Variants in BICD1 observed in about 807,000 individuals in gnomAD.
BICD1 encodes the protein BICD cargo adaptor 1, also known as protein bicaudal D homolog 1.
Under a neutral mutation model 92.5 loss-of-function variants are expected in BICD1, and 35 were observed. The observed-to-expected ratio is 0.38, with a 90% CI of 0.29 to 0.50. The LOEUF is 0.50. BICD1 is among the 20% of genes least tolerant of loss of function. The pLI, the probability that BICD1 is intolerant of heterozygous loss-of-function variation, is 0.93. For synonymous variants in BICD1, 429 were observed against 465.1 expected, an observed-to-expected ratio of 0.92 and a Z score of 1.00; for missense variants, 950 against 1,189.8, an observed-to-expected ratio of 0.80 and a Z score of 2.97.
intron 1 of BICD1, among the ~76,000 whole-genome samples, chr12:32,117,633 GGCACAT>G (rs1469508169): frequency 6.7e-6 from 1 of 148,878 alleles, no homozygotes; most frequent in African/African-American, 2.5e-5. Context: ...CACACACACG[GGCACAT>G]GTGCATGTGC....
chr12:32,376,228 C>T (rs960934589), intron 9 of BICD1, among the ~76,000 whole-genome samples: 1 of 151,516 alleles, frequency 6.6e-6, no homozygotes, highest in African/African-American at 2.4e-5. Flanking sequence ...GGACTACAGG[C>T]ACACGCCACC....
At chr12:32,296,961 G>C (rs561990868) in intron 3 of BICD1, among the ~76,000 whole-genome samples, 7 of 152,126 alleles carry the variant, frequency 4.6e-5, no homozygotes, top group Non-Finnish European at 1.0e-4. Context: ...AAGGAGGGGG[G>C]ACTTACACAT....
rs1331287606 is a variant in BICD1 at position 32,118,049 on chromosome 12, C to T, written c.213+10505C>T. Among the ~76,000 whole-genome samples the T allele has an allele frequency of 1.9e-4, 14 of 74,834 alleles. No homozygotes were observed. The East Asian group carries it at 2.9e-3, about 16-fold the overall frequency. 49.1% of individuals were successfully genotyped at this position (74,834 alleles called of 152,430 possible). A position where few individuals can be genotyped will look rare whatever the true frequency, so the allele number is the denominator to read the frequency against. On this transcript the variant is annotated intron_variant, in intron 1 of 9. Coordinates refer to ENST00000652176, the MANE Select transcript of BICD1 (RefSeq NM_001714.4). Reference sequence around the variant, plus strand: ...ACAGGCGTGAGCCATCGCACCGGCCCGCTTAGTCCAATATTTTATTTTATT... The same window carrying T: ...ACAGGCGTGAGCCATCGCACCGGCCTGCTTAGTCCAATATTTTATTTTATT...
intron 1 of BICD1, among the ~76,000 whole-genome samples, chr12:32,127,658 C>T (rs929641767): frequency 2.0e-5 from 3 of 152,164 alleles, no homozygotes; most frequent in Non-Finnish European, 2.9e-5. Flanking sequence ...ACCTTCCTTG[C>T]TGTCATAGGC....
intron 8 of BICD1, among the ~76,000 whole-genome samples, chr12:32,361,327 G>A (rs77756693): frequency 0.062 from 9,466 of 152,108 alleles, 351 homozygotes; most frequent in South Asian, 0.13. Context: ...AGGCCGGGGC[G>A]GGTAGATCAT....
At chr12:32,195,004 A>G (rs2166065) in intron 1 of BICD1, among the ~76,000 whole-genome samples, 151,186 of 151,776 alleles carry the variant, frequency 1, 75,302 homozygotes, top group Middle Eastern at 1. Flanking sequence ...AGGCTGGGGC[A>G]GAAGGATTGC....
chr12:32,263,779 A>T (rs1946920331), intron 2 of BICD1, among the ~76,000 whole-genome samples: 1 of 152,192 alleles, frequency 6.6e-6, no homozygotes, highest in South Asian at 2.1e-4. Flanking sequence ...TTAATCCATA[A>T]TAATCATTTT....
intron 8 of BICD1, among the ~76,000 whole-genome samples, chr12:32,358,429 C>A: frequency 6.7e-6 from 1 of 148,716 alleles, no homozygotes. Context: ...CACTAAAAAG[C>A]TTTTGTTCAT....
intron 1 of BICD1, among the ~76,000 whole-genome samples, chr12:32,115,727 G>C (rs1941868182): frequency 6.6e-6 from 1 of 152,216 alleles, no homozygotes; most frequent in African/African-American, 2.4e-5. Context: ...AATGATACCA[G>C]GGGAAAAGAT....
chr12:32,327,664 C>G lies in BICD1; in HGVS notation c.1209C>G (p.Ala403=). 1 of 1,613,892 alleles carries G rather than the reference C, an allele frequency of 6.2e-7. No individual in the cohort carries two copies. The highest frequency in any genetic ancestry group is 1.1e-5 in the South Asian group (1 of 91,056). The change falls in exon 5 of 10, where the codon GCC becomes GCG. Residue 403 remains alanine, a synonymous_variant. Coordinates refer to ENST00000652176, the MANE Select transcript of BICD1 (RefSeq NM_001714.4). ...AGGGCCGGGACTCAGGGGAGGAGGC[C>G]CATGACTATGAGGTGGACATCAATG... The part of the protein sequence containing the change: ...GEKGRDSGEE[A]HDYEVDINGL...
intron 5 of BICD1, among the ~76,000 whole-genome samples, chr12:32,329,931 A>C (rs113838858): frequency 3.6e-4 from 55 of 152,314 alleles, no homozygotes; most frequent in African/African-American, 1.2e-3. Context: ...TGCTGAATAA[A>C]TGTTGGTGTT....
chr12:32,354,125 A>C (rs746212356), intron 8 of BICD1: 3 of 152,238 alleles, frequency 2.0e-5, no homozygotes, highest in Non-Finnish European at 4.4e-5. Flanking sequence ...GATTTGAAAT[A>C]AAAATAGATT....
chr12:32,244,012 A>G (rs1443005719), intron 2 of BICD1, among the ~76,000 whole-genome samples: 3 of 147,270 alleles, frequency 2.0e-5, no homozygotes, highest in Non-Finnish European at 4.4e-5. Flanking sequence ...TTCTTATTCA[A>G]ACTTACCAGT....
At chr12:32,237,814 C>T (rs1245299682) in intron 2 of BICD1, among the ~76,000 whole-genome samples, 2 of 152,162 alleles carry the variant, frequency 1.3e-5, no homozygotes, top group Non-Finnish European at 2.9e-5. Context: ...CCCAAGAGCT[C>T]TGAAAGTATA....
intron 1 of BICD1, among the ~76,000 whole-genome samples, chr12:32,175,038 A>C (rs535033531): frequency 1.3e-5 from 2 of 152,232 alleles, no homozygotes; most frequent in Admixed American, 1.3e-4. Context: ...TATTGTAACT[A>C]TAAGACAAAG....
chr12:32,107,448 G>A lies in BICD1; in HGVS notation c.117G>A (p.Leu39=), dbSNP rs200772364. ...HEKIQAAEYG[L]VVLEEKLTLK... ...AGATCCAGGCTGCCGAGTACGGGCT[G>A]GTGGTGCTGGAGGAGAAGCTGACCC... The change falls in exon 1 of 10, where the codon CTG becomes CTA. Residue 39 remains leucine (L), a synonymous_variant. Coordinates refer to ENST00000652176, the MANE Select transcript of BICD1 (RefSeq NM_001714.4). 5 of 1,611,686 alleles carry A rather than the reference G, an allele frequency of 3.1e-6. No individual in the cohort carries two copies. Among genetic ancestry groups the A allele is most frequent in the Non-Finnish European group, 3.4e-6 (4 of 1,179,118 alleles).
At chr12:32,287,040 AGGTTT>A (rs1565643226) in intron 2 of BICD1, among the ~76,000 whole-genome samples, 1 of 152,082 alleles carries the variant, frequency 6.6e-6, no homozygotes, top group African/African-American at 2.4e-5. Context: ...TGCTCAGGGA[AGGTTT>A]CCCTGAGGAG....
intron 2 of BICD1, among the ~76,000 whole-genome samples, chr12:32,254,143 A>AAGCTTCCAGAGTAGGCTCTAG (rs1565621362): frequency 3.5e-5 from 5 of 143,118 alleles, no homozygotes; most frequent in African/African-American, 1.3e-4. Flanking sequence ...GCCGTATCCC[A>AAGCTTCCAGAGTAGGCTCTAG]CCTGCCATAA....
At chr12:32,173,318 G>T (rs10844148) in intron 1 of BICD1, among the ~76,000 whole-genome samples, 17,478 of 152,142 alleles carry the variant, frequency 0.11, 1,304 homozygotes, top group East Asian at 0.29. Context: ...CCAAAGTGCC[G>T]GGATTACAGG....
Sources: allele counts gnomAD v4.1 joint callset (sites outside exome capture counted in the v4.1 genomes callset), GRCh38; gene constraint gnomAD v4.1.1; transcripts MANE v1.5; gene names NCBI Gene and HGNC (gene_info 2026-07-23, HGNC 2026-07-21).